The following FOXP1 variants were observed in gnomAD, a reference collection of about 807,000 sequenced individuals.
The protein encoded by FOXP1 is forkhead box P1, also known as forkhead box protein P1.
A neutral mutation model predicts 98.2 loss-of-function variants in FOXP1; 15 were observed. The observed-to-expected ratio is 0.15, with a 90% CI of 0.10 to 0.24. FOXP1 has a LOEUF of 0.24. Ranked by LOEUF, FOXP1 falls within the 10% of genes least tolerant of loss-of-function variation. The pLI is 1.00. For missense variants in FOXP1, 633 were observed against 848.5 expected (o/e 0.75, Z 3.15); for synonymous variants, 371 against 314.5 (o/e 1.18, Z -1.90).
intron 6 of FOXP1, among the ~76,000 whole-genome samples, chr3:71,158,190 A>G (rs1405671619): frequency 6.8e-6 from 1 of 147,148 alleles, no homozygotes; most frequent in Non-Finnish European, 1.5e-5. Context: ...GGAAGGAGGG[A>G]GGGAAAGAAA....
At chr3:71,064,457 AAGAG>A (rs900905237) in intron 7 of FOXP1, among the ~76,000 whole-genome samples, 11 of 152,042 alleles carry the variant, frequency 7.2e-5, no homozygotes, top group East Asian at 3.9e-4. Flanking sequence ...GCAAACGAAA[AAGAG>A]AGAGAGAGAA....
At chr3:70,964,905 G>A (rs1023454806) in intron 20 of FOXP1, among the ~76,000 whole-genome samples, 2 of 152,100 alleles carry the variant, frequency 1.3e-5, no homozygotes, top group African/African-American at 4.8e-5. Flanking sequence ...AATTCCATAT[G>A]CTCCTAATTG....
At chr3:71,326,476 C>T (rs550231725) in intron 4 of FOXP1, among the ~76,000 whole-genome samples, 13 of 152,288 alleles carry the variant, frequency 8.5e-5, no homozygotes, top group Non-Finnish European at 1.9e-4. Context: ...ACTTGAATTT[C>T]ATGCTTATTC....
At chr3:71,356,590 C>T (rs1451268143) in intron 4 of FOXP1, among the ~76,000 whole-genome samples, 1 of 152,174 alleles carries the variant, frequency 6.6e-6, no homozygotes, top group Non-Finnish European at 1.5e-5. Flanking sequence ...CAAGCATCAC[C>T]TCTCTAACTC....
intron 3 of FOXP1, among the ~76,000 whole-genome samples, chr3:71,480,268 T>C (rs971753127): frequency 6.6e-5 from 10 of 152,216 alleles, no homozygotes; most frequent in Non-Finnish European, 7.3e-5. Flanking sequence ...TTAAATGATC[T>C]ACTGCAACCA....
chr3:71,306,245 A>G (rs1204331907), intron 4 of FOXP1, among the ~76,000 whole-genome samples: 1 of 152,154 alleles, frequency 6.6e-6, no homozygotes, highest in Non-Finnish European at 1.5e-5. Flanking sequence ...TTATGTTGCT[A>G]TAATAACAAT....
chr3:71,073,595 C>T (rs563551973), intron 7 of FOXP1, among the ~76,000 whole-genome samples: 5 of 152,248 alleles, frequency 3.3e-5, no homozygotes, highest in East Asian at 3.9e-4. Context: ...TTATATTATC[C>T]GCATTTCCTC....
intron 5 of FOXP1, among the ~76,000 whole-genome samples, chr3:71,222,531 G>A (rs1255713129): frequency 6.6e-6 from 1 of 152,114 alleles, no homozygotes; most frequent in African/African-American, 2.4e-5. Flanking sequence ...CAATTCTCAT[G>A]CCTTAGCCTC....
At chr3:71,289,355 C>G (rs558835934) in intron 5 of FOXP1, among the ~76,000 whole-genome samples, 2 of 151,338 alleles carry the variant, frequency 1.3e-5, no homozygotes, top group African/African-American at 4.9e-5. Flanking sequence ...TGTTTTTTAT[C>G]TAGAGACAGA....
intron 6 of FOXP1, among the ~76,000 whole-genome samples, chr3:71,178,038 T>G (rs1397687518): frequency 2.0e-5 from 3 of 151,638 alleles, no homozygotes; most frequent in African/African-American, 4.9e-5. Context: ...CTCGCTATGT[T>G]GCCCAGGCTG....
At chr3:71,214,311 T>C (rs772370163) in intron 5 of FOXP1, among the ~76,000 whole-genome samples, 1 of 152,220 alleles carries the variant, frequency 6.6e-6, no homozygotes, top group Admixed American at 6.5e-5. Context: ...ACCTTAATCA[T>C]GCTGTCACGA....
chr3:71,554,641 G>A (rs901767869), intron 2 of FOXP1, among the ~76,000 whole-genome samples: 4 of 152,142 alleles, frequency 2.6e-5, no homozygotes, highest in African/African-American at 9.7e-5. Flanking sequence ...CTATAAAGAA[G>A]TTCTGTAAAC....
intron 4 of FOXP1, among the ~76,000 whole-genome samples, chr3:71,346,364 G>A (rs1056638520): frequency 6.6e-6 from 1 of 152,146 alleles, no homozygotes; most frequent in South Asian, 2.1e-4. Flanking sequence ...AGCAAACGTG[G>A]CTGTTTTTGT....
intron 5 of FOXP1, among the ~76,000 whole-genome samples, chr3:71,237,235 A>AAAG: frequency 9.3e-6 from 1 of 107,512 alleles, no homozygotes; most frequent in South Asian, 2.9e-4. Flanking sequence ...CCATCTGAAA[A>AAAG]AAAAAAAAAA....
At chr3:71,412,385 T>C (rs977210226) in intron 3 of FOXP1, among the ~76,000 whole-genome samples, 3 of 152,176 alleles carry the variant, frequency 2.0e-5, no homozygotes, top group Non-Finnish European at 4.4e-5. Flanking sequence ...TTAGTCATGT[T>C]GAGGGGCATG....
chr3:71,469,277 C>A (rs1412886316), intron 3 of FOXP1, among the ~76,000 whole-genome samples: 2 of 152,116 alleles, frequency 1.3e-5, no homozygotes, highest in Non-Finnish European at 2.9e-5. Flanking sequence ...ACACTGTTTC[C>A]ATAGTAACCA....
chr3:71,158,499 G>A (rs2060964204), intron 6 of FOXP1, among the ~76,000 whole-genome samples: 1 of 152,082 alleles, frequency 6.6e-6, no homozygotes, highest in Non-Finnish European at 1.5e-5. Context: ...GGGGTGAGCA[G>A]GGATCATGAA....
At chr3:71,447,387 C>G (rs891641469) in intron 3 of FOXP1, among the ~76,000 whole-genome samples, 2 of 152,220 alleles carry the variant, frequency 1.3e-5, no homozygotes, top group African/African-American at 4.8e-5. Flanking sequence ...AGGGAGGAAC[C>G]TGCCAATCTG....
chr3:71,288,884 A>G (rs1327551398), intron 5 of FOXP1, among the ~76,000 whole-genome samples: 1 of 152,232 alleles, frequency 6.6e-6, no homozygotes, highest in African/African-American at 2.4e-5. Context: ...TAAATATGAT[A>G]GGAGTGAGAT....
Sources: gnomAD v4.1 joint callset for allele counts (sites outside exome capture counted in the v4.1 genomes callset) on GRCh38, gnomAD v4.1.1 for gene constraint, MANE v1.5 for transcripts, NCBI Gene and HGNC (gene_info 2026-07-23, HGNC 2026-07-21) for gene names.